The following ANKS1B variants were observed in gnomAD, a reference collection of about 807,000 sequenced individuals.
ANKS1B encodes the protein ankyrin repeat and sterile alpha motif domain-containing protein 1B.
A neutral mutation model predicts 148.3 loss-of-function variants in ANKS1B; 36 were observed. The ratio of observed to expected loss-of-function variants is 0.24; its 90% confidence interval spans 0.19 to 0.32. The LOEUF is 0.32. ANKS1B is among the 10% of genes least tolerant of loss of function. The probability of loss-of-function intolerance (pLI) is 1.00; values close to 1 mark genes in which losing one functional copy is unlikely to be tolerated. For synonymous variants in ANKS1B, 542 were observed against 560.8 expected (o/e 0.97, Z 0.47); for missense variants, 1,157 against 1,542.6 (o/e 0.75, Z 4.19).
At chr12:99,751,574 T>C (rs2061108794) in intron 8 of ANKS1B, among the ~76,000 whole-genome samples, 2 of 152,036 alleles carry the variant, frequency 1.3e-5, no homozygotes, top group Non-Finnish European at 2.9e-5. Flanking sequence ...TTTTCTAACA[T>C]CTACCCATCC....
intron 8 of ANKS1B, among the ~76,000 whole-genome samples, chr12:99,683,911 C>T (rs894747980): frequency 6.6e-6 from 1 of 151,932 alleles, no homozygotes; most frequent in African/African-American, 2.4e-5. Flanking sequence ...ATCCAGTATC[C>T]CTTTATGGTT....
chr12:99,596,864 G>A (rs950282884), intron 9 of ANKS1B, among the ~76,000 whole-genome samples: 3 of 151,840 alleles, frequency 2.0e-5, no homozygotes, highest in Non-Finnish European at 4.4e-5. Context: ...CATCTATATT[G>A]TTAGGATCAG....
At chr12:99,324,325 A>C (rs188267704) in intron 12 of ANKS1B, among the ~76,000 whole-genome samples, 1 of 152,248 alleles carries the variant, frequency 6.6e-6, no homozygotes, top group East Asian at 1.9e-4. Flanking sequence ...GGCACAGAGA[A>C]GTTAAGGCTT....
At chr12:98,979,150 GA>G (rs1474479547) in intron 17 of ANKS1B, among the ~76,000 whole-genome samples, 3 of 151,214 alleles carry the variant, frequency 2.0e-5, no homozygotes, top group Admixed American at 6.6e-5. Context: ...TCAAAAAAAA[GA>G]AATTTTTTTT....
At chr12:98,961,561 A>G (rs564938558) in intron 17 of ANKS1B, among the ~76,000 whole-genome samples, 47 of 152,290 alleles carry the variant, frequency 3.1e-4, no homozygotes, top group Middle Eastern at 3.4e-3. Flanking sequence ...AAAAACTCAC[A>G]GGTAATAGCA....
intron 8 of ANKS1B, among the ~76,000 whole-genome samples, chr12:99,742,713 C>T (rs1375790472): frequency 6.6e-6 from 1 of 151,820 alleles, no homozygotes; most frequent in Non-Finnish European, 1.5e-5. Flanking sequence ...TGGTGCACAA[C>T]TGTAATCCCA....
chr12:99,641,959 A>T (rs1392688), intron 9 of ANKS1B, among the ~76,000 whole-genome samples: 1 of 152,210 alleles, frequency 6.6e-6, no homozygotes, highest in African/African-American at 2.4e-5. Flanking sequence ...ACTATGGGAA[A>T]GTATAAATAG....
chr12:99,067,727 C>T (rs1022414122), intron 16 of ANKS1B, among the ~76,000 whole-genome samples: 6 of 152,122 alleles, frequency 3.9e-5, no homozygotes, highest in African/African-American at 1.4e-4. Flanking sequence ...GGTTGGAGTT[C>T]CTGAAAACCC....
intron 25 of ANKS1B, among the ~76,000 whole-genome samples, chr12:98,771,569 G>A (rs2098576200): frequency 6.6e-6 from 1 of 152,096 alleles, no homozygotes; most frequent in Non-Finnish European, 1.5e-5. Flanking sequence ...GACCTCCCAG[G>A]CTCAGGTAAT....
chr12:99,893,633 GCTTT>G (rs1013524711), intron 1 of ANKS1B, among the ~76,000 whole-genome samples: 25 of 152,022 alleles, frequency 1.6e-4, no homozygotes, highest in Admixed American at 1.2e-3. Context: ...TATATTTTTG[GCTTT>G]CTTTTTGACA....
intron 9 of ANKS1B, chr12:99,648,608 G>C (rs777913921): frequency 6.2e-7 from 1 of 1,614,162 alleles, no homozygotes; most frequent in South Asian, 1.1e-5. Context: ...CTTGCCACGG[G>C]CCGCTCTTTT....
intron 12 of ANKS1B, among the ~76,000 whole-genome samples, chr12:99,284,077 T>C (rs1161579252): frequency 1.3e-5 from 2 of 152,186 alleles, no homozygotes; most frequent in East Asian, 1.9e-4. Context: ...GTAGGAATAC[T>C]TTTTCATAAA....
chr12:99,910,357 A>C (rs2093960141), intron 1 of ANKS1B, among the ~76,000 whole-genome samples: 2 of 148,864 alleles, frequency 1.3e-5, no homozygotes, highest in East Asian at 3.9e-4. Context: ...TCCATCTCAA[A>C]AAAAAAAAAA....
At chr12:99,677,406 T>C (rs1430177345) in intron 8 of ANKS1B, among the ~76,000 whole-genome samples, 2 of 152,192 alleles carry the variant, frequency 1.3e-5, no homozygotes, top group Non-Finnish European at 2.9e-5. Context: ...CTAAATAATA[T>C]ATGATTTGTT....
intron 12 of ANKS1B, among the ~76,000 whole-genome samples, chr12:99,267,063 A>G (rs1283289078): frequency 6.6e-6 from 1 of 152,092 alleles, no homozygotes. Flanking sequence ...CTTGATTGCA[A>G]CTCCAAGGAG....
At chr12:98,823,994 C>T (rs1311127864) in intron 19 of ANKS1B, among the ~76,000 whole-genome samples, 1 of 152,188 alleles carries the variant, frequency 6.6e-6, no homozygotes, top group Non-Finnish European at 1.5e-5. Flanking sequence ...TCATGGCTTT[C>T]TGGGATATCC....
intron 17 of ANKS1B, among the ~76,000 whole-genome samples, chr12:98,913,775 G>A (rs78745451): frequency 0.067 from 10,191 of 152,080 alleles, 836 homozygotes; most frequent in East Asian, 0.36. Flanking sequence ...TGACAGACGC[G>A]TGCCACTACC....
chr12:99,620,341 C>G (rs950891138), intron 9 of ANKS1B, among the ~76,000 whole-genome samples: 4 of 152,128 alleles, frequency 2.6e-5, no homozygotes, highest in African/African-American at 9.7e-5. Context: ...GTAGTGACAC[C>G]ACCAAAGGAT....
intron 8 of ANKS1B, among the ~76,000 whole-genome samples, chr12:99,705,673 C>T (rs1215273734): frequency 6.6e-6 from 1 of 151,982 alleles, no homozygotes; most frequent in Non-Finnish European, 1.5e-5. Context: ...CAAGAAAAGG[C>T]ATGGCATACA....
Sources: gnomAD v4.1 joint callset for allele counts (sites outside exome capture counted in the v4.1 genomes callset) on GRCh38, gnomAD v4.1.1 for gene constraint, MANE v1.5 for transcripts, NCBI Gene and HGNC (gene_info 2026-07-23, HGNC 2026-07-21) for gene names.